The following NUAK1 variants were observed in gnomAD, a reference collection of about 807,000 sequenced individuals.
The protein encoded by NUAK1 is NUAK family kinase 1.
In NUAK1, 26 loss-of-function variants were observed where a neutral mutation model predicts 56.9. The observed-to-expected ratio is 0.46, with a 90% confidence interval of 0.33 to 0.63. The LOEUF is 0.63. Ranked by LOEUF, NUAK1 falls within the 30% of genes least tolerant of loss-of-function variation. The pLI, the probability that NUAK1 is intolerant of heterozygous loss-of-function variation, is 0.02. For missense variants in NUAK1, 727 were observed against 876.1 expected (o/e 0.83, Z 2.15); for synonymous variants, 337 against 336.0 (o/e 1.00, Z -0.03).
chr12:106,106,221 T>C, intron 2 of NUAK1, 184 bp downstream of exon 2: 1 of 472,774 alleles, frequency 2.1e-6, no homozygotes, highest in Non-Finnish European at 3.7e-6. Flanking sequence ...CAAAATGAGC[T>C]GCACTCATGT....
chr12:106,097,970 G>C (rs979226627), intron 2 of NUAK1, among the ~76,000 whole-genome samples: 7 of 152,204 alleles, frequency 4.6e-5, no homozygotes, highest in African/African-American at 1.4e-4. Flanking sequence ...ACCTCTGCTG[G>C]GTTCTGCAGA....
chr12:106,100,423 A>C (rs1243457157), intron 2 of NUAK1, among the ~76,000 whole-genome samples: 2 of 152,128 alleles, frequency 1.3e-5, no homozygotes, highest in Non-Finnish European at 2.9e-5. Flanking sequence ...TGGCATTCCC[A>C]GGACTCTGAA....
rs888800513 is a variant in NUAK1, at chr12:106,064,929, C to G, written c.*1873G>C. ...CCCATAACACACTGCTCAGCTCAAC[C>G]TGAAGGAACGCATAAGCCAAAACAC... On this transcript the variant is annotated 3_prime_UTR_variant, in exon 7 of 7. Transcript: ENST00000261402. 6.6e-6 allele frequency: 1 copy of G among 152,134 alleles called. No individual in the cohort carries two copies. The highest frequency in any genetic ancestry group is 2.4e-5 in the African/African-American group (1 of 41,402). 9.4% of individuals were successfully genotyped at this position (152,134 alleles called of 1,614,324 possible).
rs1328215416 is a variant in NUAK1, at chr12:106,070,847, G to A, written c.759C>T (p.Phe253=). The A allele has an allele frequency of 2.5e-6, 4 of 1,614,108 alleles. No homozygotes were observed. Among genetic ancestry groups the A allele is most frequent in the South Asian group, 2.2e-5 (2 of 91,066 alleles). The change falls in exon 6 of 7, where the codon TTC becomes TTT. Residue 253 remains phenylalanine (F), a synonymous_variant. Coordinates refer to ENST00000261402, the MANE Select transcript of NUAK1 (RefSeq NM_014840.3). The part of the protein sequence containing the change: ...LYTLVYGTMP[F]DGFDHKNLIR... Reference sequence around the variant, plus strand: ...TGAGGTTTTTGTGATCGAAACCATCGAAGGGCATTGTTCCATAAACAAGAG... The same window carrying A: ...TGAGGTTTTTGTGATCGAAACCATCAAAGGGCATTGTTCCATAAACAAGAG...
chr12:106,108,058 A>T (rs932950865), intron 1 of NUAK1, among the ~76,000 whole-genome samples: 8 of 151,832 alleles, frequency 5.3e-5, no homozygotes, highest in African/African-American at 1.7e-4. Context: ...AGGCAGGTAG[A>T]TAAAAAACGA....
At chr12:106,087,057 G>T in intron 2 of NUAK1, 172 bp from the exon 3 acceptor site, 2 of 674,388 alleles carry the variant, frequency 3.0e-6, no homozygotes, top group Non-Finnish European at 2.4e-6. Flanking sequence ...GTGCTGTCCC[G>T]CCAGGTGGAA....
At chr12:106,068,413 G>A (rs151168749) in intron 6 of NUAK1, among the ~76,000 whole-genome samples, 1 of 152,364 alleles carries the variant, frequency 6.6e-6, no homozygotes, top group Non-Finnish European at 1.5e-5. Context: ...CACAGCACCT[G>A]CAGTCACTGG....
At chr12:106,128,016 C>A (rs1300534422) in intron 1 of NUAK1, among the ~76,000 whole-genome samples, 2 of 152,122 alleles carry the variant, frequency 1.3e-5, no homozygotes, top group Non-Finnish European at 1.5e-5. Context: ...GTTAACACTG[C>A]AACTCCCATT....
intron 3 of NUAK1, 135 bp from the exon 4 acceptor site, chr12:106,084,064 C>A: frequency 1.4e-6 from 1 of 723,854 alleles, no homozygotes; most frequent in Admixed American, 2.2e-5. Context: ...TGGTCTTCAC[C>A]TCCATCCTTC....
At chr12:106,095,105 C>A (rs886998680) in intron 2 of NUAK1, among the ~76,000 whole-genome samples, 1 of 152,122 alleles carries the variant, frequency 6.6e-6, no homozygotes, top group Non-Finnish European at 1.5e-5. Context: ...CCTGATCATT[C>A]CCTCTATTGC....
chr12:106,089,921 T>C (rs1195658731), intron 2 of NUAK1, among the ~76,000 whole-genome samples: 4 of 152,170 alleles, frequency 2.6e-5, no homozygotes, highest in Non-Finnish European at 5.9e-5. Flanking sequence ...GGTCAAGAAA[T>C]AGTTCCAAAT....
intron 1 of NUAK1, among the ~76,000 whole-genome samples, chr12:106,126,059 G>A (rs1413940485): frequency 1.3e-5 from 2 of 152,108 alleles, no homozygotes; most frequent in African/African-American, 4.8e-5. Context: ...GAAAGCCAAG[G>A]CTGCCTAACG....
intron 2 of NUAK1, among the ~76,000 whole-genome samples, chr12:106,089,152 T>TA (rs2032607803): frequency 6.6e-6 from 1 of 152,260 alleles, no homozygotes; most frequent in South Asian, 2.1e-4. Flanking sequence ...GAAAGAGTGA[T>TA]AGGCCCTGGA....
intron 2 of NUAK1, among the ~76,000 whole-genome samples, chr12:106,093,873 A>G (rs574139663): frequency 6.6e-6 from 1 of 152,148 alleles, no homozygotes; most frequent in East Asian, 1.9e-4. Context: ...ATCTCAGCTC[A>G]CTGCAACCTC....
chr12:106,085,036 T>G (rs566010191), intron 3 of NUAK1, among the ~76,000 whole-genome samples: 1 of 152,348 alleles, frequency 6.6e-6, no homozygotes, highest in African/African-American at 2.4e-5. Context: ...TTTTTCTAAT[T>G]CAAGCCTGCA....
At chr12:106,127,414 CT>C (rs1186410536) in intron 1 of NUAK1, among the ~76,000 whole-genome samples, 1 of 152,188 alleles carries the variant, frequency 6.6e-6, no homozygotes, top group Admixed American at 6.5e-5. Context: ...AGTGATCCCC[CT>C]GCCTCCCAAA....
chr12:106,066,450 C>G lies in NUAK1; in HGVS notation c.*352G>C, dbSNP rs1424367937. On this transcript the variant is annotated 3_prime_UTR_variant, in exon 7 of 7. Coordinates refer to ENST00000261402, the MANE Select transcript of NUAK1 (RefSeq NM_014840.3). ...AGCCCAAGTGTCTCCTGCCCCTCCT[C>G]CAGAAGCATCTGGATGACTTCTAAG... 1.3e-5 allele frequency: 3 copies of G among 231,674 alleles called. No homozygotes were observed. The highest frequency in any genetic ancestry group is 2.5e-5 in the Non-Finnish European group (3 of 120,390). The allele number at this position is 231,674 out of a possible 1,614,324, so 14.4% of individuals were successfully genotyped here.
In NUAK1 at chr12:106,067,594, C is replaced by T. The variant is rs1421713694; in HGVS notation, c.1194G>A (p.Lys398=). 3 of 1,614,222 alleles carry T rather than the reference C, an allele frequency of 1.9e-6. No homozygotes were observed. The highest frequency in any genetic ancestry group is 2.5e-6 in the Non-Finnish European group (3 of 1,180,034). The change falls in exon 7 of 7, where the codon AAG becomes AAA. Residue 398 remains lysine, a synonymous_variant. Coordinates refer to ENST00000261402, the MANE Select transcript of NUAK1 (RefSeq NM_014840.3). This position sits in a 1 kb window ranked among gnomAD's most constrained non-coding sequence, Gnocchi z 6.0. ...SPSKLSSKRP[K]GILKKRSNSE... ...TGTTGCTTCGCTTCTTCAGGATCCC[C>T]TTGGGCCTCTTAGAACTCAACTTGG...
intron 1 of NUAK1, among the ~76,000 whole-genome samples, chr12:106,123,915 C>T (rs578037066): frequency 1.9e-4 from 29 of 152,284 alleles, no homozygotes; most frequent in African/African-American, 6.5e-4. Context: ...AGCGTAAGTA[C>T]GAGTACAAGC....
Sources: allele counts gnomAD v4.1 joint callset (sites outside exome capture counted in the v4.1 genomes callset), GRCh38; gene constraint gnomAD v4.1.1; non-coding constraint Gnocchi (gnomAD v3.1); transcripts MANE v1.5; gene names NCBI Gene and HGNC (gene_info 2026-07-23, HGNC 2026-07-21).